Variants in KATNAL1 observed in about 807,000 individuals in gnomAD.
The protein encoded by KATNAL1 is katanin catalytic subunit A1 like 1, also known as katanin p60 ATPase-containing subunit A-like 1.
A neutral mutation model predicts 55.2 loss-of-function variants in KATNAL1; 32 were observed. The ratio of observed to expected loss-of-function variants is 0.58; its 90% CI spans 0.44 to 0.78. KATNAL1 has a LOEUF of 0.78. KATNAL1 is among the 30% of genes least tolerant of loss of function. The pLI is 0.00. For synonymous variants in KATNAL1, 193 were observed against 193.6 expected (o/e 1.00, Z 0.02); for missense variants, 466 against 600.9 (o/e 0.78, Z 2.35).
chr13:30,230,474 T>C lies in KATNAL1; in HGVS notation c.1006A>G (p.Met336Val). 6.2e-7 allele frequency: 1 copy of C among 1,607,388 alleles called. No individual in the cohort carries two copies. Among genetic ancestry groups the C allele is most frequent in the Non-Finnish European group, 8.5e-7 (1 of 1,178,026 alleles). ...ATAATTAAATATCAATTACCATCCA[T>C]CTGAATGAGCAGTTCAGACTTGACC... ...RRVKSELLIQ[M>V]DGVGGALEND... The change falls in exon 8 of 11, where the codon ATG (methionine) becomes GTG (valine). Residue 336 changes from methionine (M) to valine (V), a missense_variant. Physicochemically the swap from Met to Val is conservative, Grantham distance 21. Coordinates refer to ENST00000380615, the MANE Select transcript of KATNAL1 (RefSeq NM_032116.5).
intron 9 of KATNAL1, among the ~76,000 whole-genome samples, chr13:30,215,926 A>G (rs983578771): frequency 4.6e-5 from 7 of 152,128 alleles, no homozygotes; most frequent in Non-Finnish European, 8.8e-5. Context: ...AAAGTATAAT[A>G]ATAATAAAAT....
At position 30,282,323 on chromosome 13, in the gene KATNAL1, A is replaced by C. The variant is rs114668580; in HGVS notation, c.162+1293T>G. Among the ~76,000 whole-genome samples, 665 of 152,314 alleles carry C rather than the reference A, an allele frequency of 4.4e-3. 3 individuals carry two copies. The highest frequency in any genetic ancestry group is 0.016 in the African/African-American group (646 of 41,570). ...GGTCAAAACAACATGTAAATATGAA[A>C]GGGAAAAGGGCAAGTATGAATACTT... On this transcript the variant is annotated intron_variant, in intron 2 of 10. Coordinates refer to ENST00000380615, the MANE Select transcript of KATNAL1 (RefSeq NM_032116.5).
rs549603957 is a variant in KATNAL1, at chr13:30,254,186, C to G, written c.492+1261G>C. On this transcript the variant is annotated intron_variant, in intron 4 of 10. Transcript: ENST00000380615. ...GGTACTGTATTCTCTATAATGCAAA[C>G]CAATGTTAGCTGCATAAAAATGAAG... Among the ~76,000 whole-genome samples, 37 of 152,094 alleles carry G rather than the reference C, an allele frequency of 2.4e-4. No homozygotes were observed. In the South Asian group the frequency reaches 4.0e-3, roughly 16 times the overall value.
At chr13:30,251,683 G>A (rs1878335037) in intron 4 of KATNAL1, among the ~76,000 whole-genome samples, 1 of 152,188 alleles carries the variant, frequency 6.6e-6, no homozygotes, top group East Asian at 1.9e-4. Flanking sequence ...AGTAGGAAGA[G>A]ACCAGACACA....
chr13:30,258,915 A>G (rs1414446223), intron 3 of KATNAL1, among the ~76,000 whole-genome samples: 2 of 152,248 alleles, frequency 1.3e-5, no homozygotes, highest in Non-Finnish European at 2.9e-5. Context: ...AAAGGACTTT[A>G]GAATTTTTTA....
At chr13:30,247,783 G>A (rs929234836) in intron 4 of KATNAL1, among the ~76,000 whole-genome samples, 1 of 152,162 alleles carries the variant, frequency 6.6e-6, no homozygotes, top group Non-Finnish European at 1.5e-5. Flanking sequence ...GTTATGAGCA[G>A]AAGACACAAT....
intron 3 of KATNAL1, among the ~76,000 whole-genome samples, chr13:30,275,594 G>A (rs150791170): frequency 5.3e-5 from 8 of 152,208 alleles, no homozygotes; most frequent in Admixed American, 5.2e-4. Context: ...TGGTCAAAGG[G>A]TACAAAGTTT....
rs765605217 is a variant in KATNAL1, at chr13:30,208,732, G to A, written c.1281C>T (p.Ala427=). The A allele has an allele frequency of 1.2e-6, 2 of 1,604,214 alleles. No individual in the cohort carries two copies. Among genetic ancestry groups the A allele is most frequent in the Non-Finnish European group, 1.7e-6 (2 of 1,174,888 alleles). Residue 427 remains alanine, a synonymous_variant, in exon 11 of 11, where the codon GCC becomes GCT. Coordinates refer to ENST00000380615, the MANE Select transcript of KATNAL1 (RefSeq NM_032116.5). ...GADITNVCRD[A]SLMAMRRRIN... ...TACGCCGTCTCATTGCCATTAAAGA[G>A]GCATCCCTAAAAATATACCAAAATC... is the stretch of plus-strand genomic sequence containing the variant.
chr13:30,260,652 A>G (rs1468090860), intron 3 of KATNAL1, among the ~76,000 whole-genome samples: 1 of 152,138 alleles, frequency 6.6e-6, no homozygotes, highest in Non-Finnish European at 1.5e-5. Flanking sequence ...AAATGAAGCG[A>G]GAAGGGAAAT....
At chr13:30,225,426 C>A (rs1220271576) in intron 9 of KATNAL1, among the ~76,000 whole-genome samples, 1 of 152,040 alleles carries the variant, frequency 6.6e-6, no homozygotes, top group Non-Finnish European at 1.5e-5. Context: ...TTGAAAGGCA[C>A]AAGTTACCAA....
intron 3 of KATNAL1, among the ~76,000 whole-genome samples, chr13:30,274,909 A>G (rs56068229): frequency 0.15 from 8,546 of 58,564 alleles, 356 homozygotes; most frequent in African/African-American, 0.26. Context: ...GCGCGCGCGC[A>G]CACACACACA....
At chr13:30,249,728 G>T (rs1375899511) in intron 4 of KATNAL1, among the ~76,000 whole-genome samples, 1 of 152,156 alleles carries the variant, frequency 6.6e-6, no homozygotes, top group Non-Finnish European at 1.5e-5. Flanking sequence ...GAGGTAAGTG[G>T]CAAGGATTGG....
intron 6 of KATNAL1, among the ~76,000 whole-genome samples, chr13:30,236,173 C>T (rs987918100): frequency 2.0e-5 from 3 of 151,978 alleles, no homozygotes; most frequent in Non-Finnish European, 4.4e-5. Context: ...GTCCTGGGCT[C>T]GACTGTAAGG....
chr13:30,245,772 A>G (rs1877730446), intron 4 of KATNAL1, among the ~76,000 whole-genome samples: 1 of 152,108 alleles, frequency 6.6e-6, no homozygotes, highest in Admixed American at 6.6e-5. Flanking sequence ...TAGAGAGCCA[A>G]ATCATGAGTG....
Position 30,209,959 on chromosome 13 carries a change from T to C in KATNAL1, c.1274+357A>G, listed in dbSNP as rs141044241. On this transcript the variant is annotated intron_variant, in intron 10 of 10. Coordinates refer to ENST00000380615, the MANE Select transcript of KATNAL1 (RefSeq NM_032116.5). Reference sequence around the variant, plus strand: ...ACCACACCTGGCTAATTTTTTGTATTTTTTAGTAGAGGCGGGGTTTCACCG... The same window carrying C: ...ACCACACCTGGCTAATTTTTTGTATCTTTTAGTAGAGGCGGGGTTTCACCG... Among the ~76,000 whole-genome samples the C allele has an allele frequency of 5.8e-4, 89 of 152,186 alleles. No individual in the cohort carries two copies. The East Asian group carries it at 0.016, about 28-fold the overall frequency.
chr13:30,254,632 T>C (rs1424335643), intron 4 of KATNAL1, among the ~76,000 whole-genome samples: 2 of 152,176 alleles, frequency 1.3e-5, no homozygotes, highest in East Asian at 1.9e-4. Flanking sequence ...TTATTAGATA[T>C]ATCTTTATTA....
chr13:30,284,146 C>A (rs1413694252), intron 1 of KATNAL1, among the ~76,000 whole-genome samples: 3 of 152,156 alleles, frequency 2.0e-5, no homozygotes, highest in African/African-American at 7.2e-5. Context: ...AGGCGTGAGC[C>A]ACTGCGCCCA....
rs1879409929 is a variant in KATNAL1, at chr13:30,262,714, G to A, written c.324-7099C>T. ...TAGACCAATAACAGGAGCTGAAATTGTGGCAATAATCAATAGCTTACCAAC... is the reference window on the plus strand; with the variant it reads ...TAGACCAATAACAGGAGCTGAAATTATGGCAATAATCAATAGCTTACCAAC... On this transcript the variant is annotated intron_variant, in intron 3 of 10. Coordinates refer to ENST00000380615, the MANE Select transcript of KATNAL1 (RefSeq NM_032116.5). Among the ~76,000 whole-genome samples the A allele has an allele frequency of 2.0e-5, 3 of 151,966 alleles. No individual in the cohort carries two copies. In the South Asian group the frequency reaches 6.3e-4, roughly 32 times the overall value.
At position 30,203,384 on chromosome 13, in the gene KATNAL1, G is replaced by A. The variant is rs571174345; in HGVS notation, c.*5156C>T. 1 of 152,168 alleles carries A rather than the reference G, an allele frequency of 6.6e-6. No homozygotes were observed. Among genetic ancestry groups the A allele is most frequent in the Non-Finnish European group, 1.5e-5 (1 of 68,028 alleles). The allele number at this position is 152,168 out of a possible 1,614,324, so 9.4% of individuals were successfully genotyped here. On this transcript the variant is annotated 3_prime_UTR_variant, in exon 11 of 11. Coordinates refer to ENST00000380615, the MANE Select transcript of KATNAL1 (RefSeq NM_032116.5). ...TCATTCCTGCCTAAAACTAAGCCTG[G>A]TTAACTGAGGTAGACTCTGGGAATT...
Sources: gnomAD v4.1 joint callset for allele counts (sites outside exome capture counted in the v4.1 genomes callset) on GRCh38, gnomAD v4.1.1 for gene constraint, MANE v1.5 for transcripts, NCBI Gene and HGNC (gene_info 2026-07-23, HGNC 2026-07-21) for gene names.